The following AKR1C3 variants were observed in gnomAD, a reference collection of about 807,000 sequenced individuals.
AKR1C3 encodes 3-alpha hydroxysteroid dehydrogenase, type II.
A neutral mutation model predicts 43.6 loss-of-function variants in AKR1C3; 48 were observed. The ratio of observed to expected loss-of-function variants is 1.10; its 90% CI spans 0.87 to 1.40. AKR1C3 has a LOEUF of 1.40. Ranked by LOEUF, AKR1C3 falls within the 40% of genes most tolerant of loss-of-function variation. The pLI is 0.00. For missense variants in AKR1C3, 482 were observed against 391.2 expected, an observed-to-expected ratio of 1.23 and a Z score of -1.96; for synonymous variants, 162 against 139.6, an observed-to-expected ratio of 1.16 and a Z score of -1.13.
upstream of AKR1C3, among the ~76,000 whole-genome samples, chr10:5,092,846 GTT>G (rs1356853480): frequency 6.6e-5 from 10 of 151,924 alleles, no homozygotes; most frequent in African/African-American, 1.9e-4. Flanking sequence ...AAGGGACTGT[GTT>G]TTCCTGTTTC....
At chr10:5,097,906 ATG>A (rs1554785430) in intron 3 of AKR1C3, 1 of 1,082,706 alleles carries the variant, frequency 9.2e-7, no homozygotes, top group Non-Finnish European at 1.1e-6. Context: ...ACTGCTGCAC[ATG>A]TGATGCACAA....
At chr10:5,051,310 TG>T (rs1305501155) in intron 1 of AKR1C3, among the ~76,000 whole-genome samples, 1 of 152,214 alleles carries the variant, frequency 6.6e-6, no homozygotes, top group Non-Finnish European at 1.5e-5. Context: ...TTGGTCAGAC[TG>T]GTCTCAAACT....
At position 5,063,765 on chromosome 10, in the gene AKR1C3, CAAAAA is replaced by C. The variant is rs71391987; in HGVS notation, c.84+14890_84+14894del. Among the ~76,000 whole-genome samples the C allele has an allele frequency of 2.8e-4, 13 of 46,432 alleles. 1 individual carries two copies. Among genetic ancestry groups the C allele is most frequent in the Admixed American group, 2.7e-3 (7 of 2,558 alleles). The allele number at this position is 46,432 out of a possible 152,430, so 30.5% of individuals were successfully genotyped here. A position where few individuals can be genotyped will look rare whatever the true frequency, so the allele number is the denominator to read the frequency against. ...AGGACAGAGGTAGTCTCTGTCTCAG[CAAAAA>C]AAAAAAAAAAAAAAAAAAAGGAAAA... On this transcript the variant is annotated intron_variant, in intron 1 of 8. Transcript: ENST00000439082.
chr10:5,083,677 A>T (rs1554782652), intron 1 of AKR1C3, among the ~76,000 whole-genome samples: 1 of 152,166 alleles, frequency 6.6e-6, no homozygotes, highest in Non-Finnish European at 1.5e-5. Flanking sequence ...TGGTTGAACT[A>T]GTTTACAGTC....
chr10:5,086,084 G>T (rs1419779359), intron 1 of AKR1C3, among the ~76,000 whole-genome samples: 9 of 151,604 alleles, frequency 5.9e-5, no homozygotes, highest in African/African-American at 2.2e-4. Context: ...CTTCAGTTCT[G>T]CTCTGATCTT....
intron 1 of AKR1C3, among the ~76,000 whole-genome samples, chr10:5,061,765 GA>G (rs1838388950): frequency 6.6e-6 from 1 of 152,080 alleles, no homozygotes; most frequent in South Asian, 2.1e-4. Flanking sequence ...CCCATCTTTA[GA>G]AAATGTTCTT....
intron 4 of AKR1C3, 99 bp downstream of exon 4, chr10:5,098,978 T>C: frequency 1.9e-6 from 2 of 1,037,224 alleles, no homozygotes; most frequent in East Asian, 2.4e-5. Flanking sequence ...CCATTAGATC[T>C]AGAAATTCAG....
At chr10:5,084,547 C>T (rs1358771845) in intron 1 of AKR1C3, among the ~76,000 whole-genome samples, 1 of 152,134 alleles carries the variant, frequency 6.6e-6, no homozygotes, top group Non-Finnish European at 1.5e-5. Context: ...TTAGGATTGA[C>T]TTGGTGAGGC....
chr10:5,054,071 G>A (rs993657504), intron 1 of AKR1C3, among the ~76,000 whole-genome samples: 1 of 152,190 alleles, frequency 6.6e-6, no homozygotes, highest in African/African-American at 2.4e-5. Flanking sequence ...GCCTTTTCCT[G>A]TAAGCGCCGG....
rs199763655 is a variant in AKR1C3, at chr10:5,105,638, A to G, written c.890A>G (p.Asp297Gly). 6.8e-6 allele frequency: 11 copies of G among 1,613,962 alleles called. No homozygotes were observed. The highest frequency in any genetic ancestry group is 9.3e-6 in the Non-Finnish European group (11 of 1,179,952). ...QLTAEDMKAIDGLDRNLHYFN... is the reference protein window; with the variant it reads ...QLTAEDMKAIGGLDRNLHYFN... ...ACTGCAGAGGACATGAAAGCCATAGATGGCCTAGACAGAAATCTCCACTAT... is the reference window on the plus strand; with the variant it reads ...ACTGCAGAGGACATGAAAGCCATAGGTGGCCTAGACAGAAATCTCCACTAT... The change falls in exon 8 of 9, where the codon GAT (aspartate) becomes GGT (glycine). Residue 297 changes from aspartate (D) to glycine (G), a missense_variant. Coordinates refer to ENST00000380554, the MANE Select transcript of AKR1C3 (RefSeq NM_003739.6).
intron 1 of AKR1C3, among the ~76,000 whole-genome samples, chr10:5,079,675 C>T (rs1554782159): frequency 6.6e-6 from 1 of 152,058 alleles, no homozygotes; most frequent in East Asian, 1.9e-4. Context: ...AGCCTTGGCT[C>T]ACCAAGCATA....
chr10:5,058,868 T>A lies in AKR1C3; in HGVS notation c.84+9973T>A, dbSNP rs548313142. The stretch of plus-strand genomic sequence containing the variant: ...GAGAAAAATCAGATTTAGTGGCCCT[T>A]ACCGACACATTCTCAAAAACCCGTT... On this transcript the variant is annotated intron_variant, in intron 1 of 8. Coordinates refer to the AKR1C3 transcript ENST00000439082. Among the ~76,000 whole-genome samples, 299 of 152,252 alleles carry A rather than the reference T, an allele frequency of 2.0e-3. 2 individuals are homozygous for A. Among genetic ancestry groups the A allele is most frequent in the African/African-American group, 6.3e-3 (263 of 41,548 alleles).
chr10:5,061,002 C>G (rs1266776850), intron 1 of AKR1C3, among the ~76,000 whole-genome samples: 3 of 152,206 alleles, frequency 2.0e-5, no homozygotes, highest in Non-Finnish European at 2.9e-5. Context: ...GCGCACAGCC[C>G]CAGTTCCCTC....
intron 1 of AKR1C3, chr10:5,077,904 A>G (rs2131812784): frequency 1.6e-6 from 1 of 627,394 alleles, no homozygotes; most frequent in Non-Finnish European, 2.8e-6. Flanking sequence ...CATCAGAATC[A>G]TCTCTTTTGA....
intron 1 of AKR1C3, among the ~76,000 whole-genome samples, chr10:5,083,057 A>G (rs1838869919): frequency 6.9e-6 from 1 of 144,462 alleles, no homozygotes; most frequent in Non-Finnish European, 1.5e-5. Flanking sequence ...GTTTCCAGGA[A>G]TTTATCTATT....
At position 5,099,546 on chromosome 10, in the gene AKR1C3, G is replaced by A. The variant is rs2298304; in HGVS notation, c.570+97G>A. On this transcript the variant is annotated intron_variant, in intron 5 of 8. Coordinates refer to ENST00000380554, the MANE Select transcript of AKR1C3 (RefSeq NM_003739.6). ...TTTGTTTTGTCCCAGTTATCTTTGT[G>A]AAGTAGAAGATTATCTAGAGAGCAA... The A allele has an allele frequency of 3.4e-4, 541 of 1,573,626 alleles. 5 individuals are homozygous for A. In the East Asian group the frequency reaches 0.012, roughly 35 times the overall value.
At chr10:5,083,227 TC>T in intron 1 of AKR1C3, among the ~76,000 whole-genome samples, 1 of 152,076 alleles carries the variant, frequency 6.6e-6, no homozygotes, top group South Asian at 2.1e-4. Flanking sequence ...CCCTCCCGAC[TC>T]CCCCCACCCC....
chr10:5,066,428 T>G lies in AKR1C3; in HGVS notation c.84+17533T>G, dbSNP rs72772187. Among the ~76,000 whole-genome samples, 1,101 of 152,348 alleles carry G rather than the reference T, an allele frequency of 7.2e-3. 7 individuals are homozygous for G. The highest frequency in any genetic ancestry group is 0.012 in the Non-Finnish European group (807 of 68,026). ...TCATTTTGGGTTTCCCATCTCAGCA[T>G]GTCATTGACAGGTTACGGTGTCCTC... On this transcript the variant is annotated intron_variant, in intron 1 of 8. Coordinates refer to the AKR1C3 transcript ENST00000439082.
Position 5,102,577 on chromosome 10 carries a change from G to C in AKR1C3, c.773G>C (p.Arg258Pro). The change falls in exon 7 of 9, where the codon CGC (arginine) becomes CCC (proline). Residue 258 changes from arginine (R) to proline (P), a missense_variant. Transcript: ENST00000380554. ...CGAACCCCAGCCCTGATTGCCCTGCGCTACCAGCTGCAGCGTGGGGTTGTG... is the reference window on the plus strand; with the variant it reads ...CGAACCCCAGCCCTGATTGCCCTGCCCTACCAGCTGCAGCGTGGGGTTGTG... ...HKRTPALIAL[R>P]YQLQRGVVVL... 1 of 1,556,176 alleles carries C rather than the reference G, an allele frequency of 6.4e-7. No homozygotes were observed. Among genetic ancestry groups the C allele is most frequent in the Non-Finnish European group, 8.7e-7 (1 of 1,148,286 alleles).
Sources: gnomAD v4.1 joint callset for allele counts (sites outside exome capture counted in the v4.1 genomes callset) on GRCh38, gnomAD v4.1.1 for gene constraint, MANE v1.5 for transcripts, NCBI Gene and HGNC (gene_info 2026-07-23, HGNC 2026-07-21) for gene names.